DCC: variants seen among roughly 807,000 people sequenced by gnomAD.
DCC encodes DCC netrin 1 receptor, also known as netrin receptor DCC.
A neutral mutation model predicts 172.5 loss-of-function variants in DCC; 58 were observed. The ratio of observed to expected loss-of-function variants is 0.34; its 90% CI spans 0.27 to 0.42. The LOEUF is 0.42. Among genes scored for constraint, DCC ranks in the 10% least tolerant of loss-of-function variants. The pLI is 1.00. For missense variants in DCC, 1,740 were observed against 1,791.0 expected (o/e 0.97, Z 0.51); for synonymous variants, 709 against 644.5 (o/e 1.10, Z -1.52).
At chr18:52,543,905 C>A (rs1426263785) in intron 1 of DCC, among the ~76,000 whole-genome samples, 1 of 152,178 alleles carries the variant, frequency 6.6e-6, no homozygotes, top group African/African-American at 2.4e-5. Flanking sequence ...CAGTCTTCAA[C>A]AATGATACTG....
chr18:53,514,569 AAAAG>A (rs1178591294), intron 27 of DCC, among the ~76,000 whole-genome samples: 26 of 152,216 alleles, frequency 1.7e-4, no homozygotes, highest in African/African-American at 5.8e-4. Flanking sequence ...AATAAAGAAA[AAAAG>A]AGAGAAGAAT....
At chr18:52,969,582 C>CCCCT (rs1555689589) in intron 5 of DCC, among the ~76,000 whole-genome samples, 6 of 80,082 alleles carry the variant, frequency 7.5e-5, no homozygotes, top group African/African-American at 2.7e-4. Flanking sequence ...GCCCCGCCCC[C>CCCCT]CACTCTCTCT....
intron 1 of DCC, among the ~76,000 whole-genome samples, chr18:52,392,065 T>G (rs531502969): frequency 6.6e-6 from 1 of 152,280 alleles, no homozygotes; most frequent in Non-Finnish European, 1.5e-5. Context: ...GCGCACAGAT[T>G]GCCTGCCTGG....
chr18:53,317,285 T>G (rs1007849641), intron 13 of DCC, among the ~76,000 whole-genome samples: 2 of 152,252 alleles, frequency 1.3e-5, no homozygotes, highest in Non-Finnish European at 2.9e-5. Context: ...ATTATGTTTA[T>G]TGATTTGCAT....
intron 15 of DCC, among the ~76,000 whole-genome samples, chr18:53,342,536 G>A (rs549118047): frequency 6.6e-6 from 1 of 151,174 alleles, no homozygotes; most frequent in Non-Finnish European, 1.5e-5. Flanking sequence ...TACATTAAAA[G>A]TGTACTTTTT....
At chr18:53,524,843 C>G (rs887083727) in intron 27 of DCC, among the ~76,000 whole-genome samples, 5 of 151,966 alleles carry the variant, frequency 3.3e-5, no homozygotes, top group Non-Finnish European at 7.4e-5. Context: ...CACCGCCTGC[C>G]CATTCCTAAA....
intron 12 of DCC, among the ~76,000 whole-genome samples, chr18:53,231,169 G>C (rs931668756): frequency 6.6e-6 from 1 of 151,920 alleles, no homozygotes; most frequent in Non-Finnish European, 1.5e-5. Context: ...ATGACATGTG[G>C]GTCTTGTAAG....
intron 21 of DCC, among the ~76,000 whole-genome samples, chr18:53,431,335 C>G (rs759832012): frequency 6.6e-6 from 1 of 150,470 alleles, no homozygotes; most frequent in Non-Finnish European, 1.5e-5. Context: ...AAGTGAAAAT[C>G]AATTAATTAC....
intron 2 of DCC, among the ~76,000 whole-genome samples, chr18:52,820,867 C>A (rs918800163): frequency 1.3e-5 from 2 of 152,180 alleles, no homozygotes; most frequent in Admixed American, 1.3e-4. Context: ...AGCCTGGAAC[C>A]TCCCTTCCAA....
chr18:53,310,743 CAT>C (rs1409560780), intron 13 of DCC, among the ~76,000 whole-genome samples: 4 of 151,870 alleles, frequency 2.6e-5, no homozygotes, highest in Non-Finnish European at 5.9e-5. Flanking sequence ...GAAATAATAG[CAT>C]AGCAATTTTA....
chr18:52,609,170 T>C (rs1271253106), intron 1 of DCC, among the ~76,000 whole-genome samples: 1 of 152,166 alleles, frequency 6.6e-6, no homozygotes, highest in African/African-American at 2.4e-5. Flanking sequence ...CTTTGCCTCT[T>C]TTGCCGAGGT....
At chr18:52,979,590 G>T (rs1158178413) in intron 5 of DCC, among the ~76,000 whole-genome samples, 1 of 152,180 alleles carries the variant, frequency 6.6e-6, no homozygotes, top group Non-Finnish European at 1.5e-5. Flanking sequence ...TAAGGAGAAA[G>T]TAGGTTCCAA....
intron 12 of DCC, among the ~76,000 whole-genome samples, chr18:53,288,472 T>G (rs2056961357): frequency 6.6e-6 from 1 of 152,176 alleles, no homozygotes. Context: ...AATAAAAATC[T>G]TTTAAAATAT....
intron 26 of DCC, among the ~76,000 whole-genome samples, chr18:53,493,566 T>C (rs2045983813): frequency 1.3e-5 from 2 of 152,322 alleles, no homozygotes; most frequent in South Asian, 4.1e-4. Flanking sequence ...GAGGTGTTTA[T>C]AGTATTCTCT....
chr18:53,257,816 A>T (rs1173035292), intron 12 of DCC, among the ~76,000 whole-genome samples: 6 of 152,176 alleles, frequency 3.9e-5, no homozygotes, highest in Admixed American at 1.3e-4. Flanking sequence ...CTCTGGTAGA[A>T]TTTGGCTGTG....
intron 1 of DCC, among the ~76,000 whole-genome samples, chr18:52,490,447 G>A (rs2030442335): frequency 3.3e-5 from 5 of 152,046 alleles, no homozygotes; most frequent in Non-Finnish European, 5.9e-5. Flanking sequence ...AGATGAGAAG[G>A]ATCTTTGGAA....
At chr18:52,627,392 T>G (rs1023142196) in intron 1 of DCC, among the ~76,000 whole-genome samples, 1 of 152,306 alleles carries the variant, frequency 6.6e-6, no homozygotes, top group African/African-American at 2.4e-5. Context: ...CTGTTAGGGA[T>G]GTGGAGATTC....
chr18:52,708,196 C>T (rs1308377308), intron 1 of DCC, among the ~76,000 whole-genome samples: 2 of 152,062 alleles, frequency 1.3e-5, no homozygotes, highest in African/African-American at 2.4e-5. Flanking sequence ...AATCCCAGCA[C>T]TTTGGGAGGC....
At chr18:52,774,095 G>A (rs973787893) in intron 2 of DCC, among the ~76,000 whole-genome samples, 8 of 152,194 alleles carry the variant, frequency 5.3e-5, no homozygotes, top group Non-Finnish European at 1.0e-4. Flanking sequence ...GTAAACTGTG[G>A]CGTGGAGCCA....
Sources: gnomAD v4.1 joint callset for allele counts (sites outside exome capture counted in the v4.1 genomes callset) on GRCh38, gnomAD v4.1.1 for gene constraint, MANE v1.5 for transcripts, NCBI Gene and HGNC (gene_info 2026-07-23, HGNC 2026-07-21) for gene names.